PRKN: variants seen among roughly 807,000 people sequenced by gnomAD.
PRKN encodes the protein E3 ubiquitin-protein ligase parkin.
A neutral mutation model predicts 59.5 loss-of-function variants in PRKN; 56 were observed. That is an observed-to-expected ratio of 0.94 (90% CI 0.76 to 1.18). PRKN has a LOEUF of 1.18. Among genes scored for constraint, PRKN ranks in the 50% most tolerant of loss-of-function variants. The probability of loss-of-function intolerance (pLI) is 0.00; values close to 1 mark genes in which losing one functional copy is unlikely to be tolerated. For missense variants in PRKN, 657 were observed against 596.4 expected, an observed-to-expected ratio of 1.10 and a Z score of -1.06; for synonymous variants, 250 against 222.1, an observed-to-expected ratio of 1.13 and a Z score of -1.12.
At chr6:161,621,442 G>C (rs1034723615) in intron 7 of PRKN, among the ~76,000 whole-genome samples, 7 of 152,108 alleles carry the variant, frequency 4.6e-5, no homozygotes, top group African/African-American at 1.7e-4. Flanking sequence ...GGGGGTCCTG[G>C]GGTCCTGATG....
Position 161,547,710 on chromosome 6 carries a change from A to G in PRKN, c.1083+1144T>C, listed in dbSNP as rs183274630. On this transcript the variant is annotated intron_variant, in intron 9 of 11. Transcript: ENST00000366898. The surrounding 1 kb of genome is among the most constrained non-coding windows in gnomAD (Gnocchi z 4.0). ...CTGAGGCCACACACAATCATTGCAG[A>G]TAATTCAGCACATGATAATGACTAA... 6.6e-6 allele frequency among the ~76,000 whole-genome samples: 1 copy of G among 152,366 alleles called. No homozygotes were observed. The highest frequency in any genetic ancestry group is 6.5e-5 in the Admixed American group (1 of 15,314).
At chr6:161,615,457 A>G (rs145449069) in intron 7 of PRKN, among the ~76,000 whole-genome samples, 2 of 152,380 alleles carry the variant, frequency 1.3e-5, no homozygotes, top group African/African-American at 4.8e-5. Context: ...CATAAAACTC[A>G]GCTCCAAATT....
intron 4 of PRKN, among the ~76,000 whole-genome samples, chr6:162,095,338 C>T (rs1779681015): frequency 1.3e-5 from 2 of 152,150 alleles, no homozygotes; most frequent in South Asian, 2.1e-4. Context: ...GGGTTTCATT[C>T]TTATTGCCCT....
intron 5 of PRKN, among the ~76,000 whole-genome samples, chr6:162,021,152 ATATATATATATAT>A (rs1783155787): frequency 5.6e-5 from 1 of 17,906 alleles, no homozygotes; most frequent in Non-Finnish European, 1.1e-4. Flanking sequence ...ATATATATAT[ATATATATATATAT>A]AAAATATATG....
intron 6 of PRKN, among the ~76,000 whole-genome samples, chr6:161,939,686 C>A (rs1039179430): frequency 6.6e-6 from 1 of 151,456 alleles, no homozygotes; most frequent in Non-Finnish European, 1.5e-5. Context: ...GAGATGAGAT[C>A]GTGTCATTGC....
chr6:162,159,367 A>G (rs1416568470), intron 4 of PRKN, among the ~76,000 whole-genome samples: 1 of 152,216 alleles, frequency 6.6e-6, no homozygotes, highest in East Asian at 1.9e-4. Context: ...AATTTTAAAA[A>G]TAACATTTGC....
chr6:161,916,322 C>A (rs990769776), intron 6 of PRKN, among the ~76,000 whole-genome samples: 2 of 152,134 alleles, frequency 1.3e-5, no homozygotes, highest in Non-Finnish European at 2.9e-5. Flanking sequence ...CATAATTGGA[C>A]AAAGACAATA....
chr6:162,126,621 C>T (rs768486654), intron 4 of PRKN, among the ~76,000 whole-genome samples: 10 of 152,154 alleles, frequency 6.6e-5, no homozygotes, highest in African/African-American at 9.6e-5. Flanking sequence ...CTCTAGGCTC[C>T]AAACCACATT....
At position 162,583,992 on chromosome 6, in the gene PRKN, T is replaced by A. The variant is rs970079004; in HGVS notation, c.8-140519A>T. On this transcript the variant is annotated intron_variant, in intron 1 of 11. Transcript: ENST00000366898. ...ACTTTGGGAGGCTGAGGCGAGCGGA[T>A]CACAAGGTCAGGAGATCAAGACCAT... is the stretch of plus-strand genomic sequence containing the variant. Among the ~76,000 whole-genome samples the A allele has an allele frequency of 2.0e-5, 3 of 152,164 alleles. No individual in the cohort carries two copies. The East Asian group carries it at 5.8e-4, about 30-fold the overall frequency.
At chr6:162,686,823 C>T (rs79863751) in intron 1 of PRKN, among the ~76,000 whole-genome samples, 2,275 of 152,142 alleles carry the variant, frequency 0.015, 62 homozygotes, top group African/African-American at 0.052. Context: ...GCTGGCACTC[C>T]GTAGATATAT....
chr6:162,165,023 C>T (rs763586402), intron 4 of PRKN, among the ~76,000 whole-genome samples: 3 of 148,706 alleles, frequency 2.0e-5, no homozygotes, highest in Non-Finnish European at 3.0e-5. Context: ...TATATAGAAA[C>T]AGGCTTATTT....
intron 2 of PRKN, among the ~76,000 whole-genome samples, chr6:162,429,111 G>A (rs9365421): frequency 0.55 from 83,846 of 151,998 alleles, 24,049 homozygotes; most frequent in East Asian, 0.71. Context: ...TGCATGTACC[G>A]GAATACTGAC....
chr6:162,463,740 A>G (rs1472015836), intron 1 of PRKN, among the ~76,000 whole-genome samples: 1 of 152,178 alleles, frequency 6.6e-6, no homozygotes, highest in East Asian at 1.9e-4. Flanking sequence ...TGTTAATTAG[A>G]TTGGGCACCA....
At position 161,777,587 on chromosome 6, in the gene PRKN, C is replaced by T. The variant is rs181136886; in HGVS notation, c.871+8185G>A. On this transcript the variant is annotated intron_variant, in intron 7 of 11. Coordinates refer to ENST00000366898, the MANE Select transcript of PRKN (RefSeq NM_004562.3). ...TGAATATATACAGACACTGTTAAGA[C>T]GTTTGGTGCATGAGACCAGTGTAAT... is the stretch of plus-strand genomic sequence containing the variant. Among the ~76,000 whole-genome samples the T allele has an allele frequency of 4.0e-5, 6 of 149,786 alleles. 1 individual carries two copies. Among genetic ancestry groups the T allele is most frequent in the Admixed American group, 2.0e-4 (3 of 14,918 alleles).
rs769826079 is a variant in PRKN, at chr6:161,401,777, C to T, written c.1084-14900G>A. On this transcript the variant is annotated intron_variant, in intron 9 of 11. Coordinates refer to ENST00000366898, the MANE Select transcript of PRKN (RefSeq NM_004562.3). The surrounding 1 kb of genome is among the most constrained non-coding windows in gnomAD (Gnocchi z 4.4). The stretch of plus-strand genomic sequence containing the variant: ...TCTCAGACAGCTGCATTTGGATTTC[C>T]GGGGGCTGGACTGGATCTCAGATGT... Among the ~76,000 whole-genome samples the T allele has an allele frequency of 7.9e-5, 12 of 152,094 alleles. No individual in the cohort carries two copies. The highest frequency in any genetic ancestry group is 1.3e-4 in the Admixed American group (2 of 15,272).
chr6:161,436,217 G>C (rs1359644656), intron 9 of PRKN, among the ~76,000 whole-genome samples: 2 of 121,574 alleles, frequency 1.6e-5, no homozygotes, highest in African/African-American at 6.2e-5. Flanking sequence ...AGAGAGCAGA[G>C]GGTGGGATGG....
intron 4 of PRKN, among the ~76,000 whole-genome samples, chr6:162,096,549 A>G (rs1473660220): frequency 6.6e-6 from 1 of 152,134 alleles, no homozygotes; most frequent in East Asian, 1.9e-4. Flanking sequence ...ATGTTGTGGG[A>G]GGCACCTGGC....
rs71551176 is a variant in PRKN, at chr6:162,021,168, A to T, written c.618+32923T>A. Among the ~76,000 whole-genome samples the T allele has an allele frequency of 2.5e-5, 2 of 80,930 alleles. 1 individual carries two copies. The highest frequency in any genetic ancestry group is 1.4e-3 in the East Asian group (2 of 1,404). The allele number at this position is 80,930 out of a possible 152,430, so 53.1% of individuals were successfully genotyped here. ...TATATATATATATATATATATATAA[A>T]ATATATGTGTATATATATTATATAT... On this transcript the variant is annotated intron_variant, in intron 5 of 11. Transcript: ENST00000366898.
At chr6:162,404,425 A>G (rs1280185963) in intron 2 of PRKN, among the ~76,000 whole-genome samples, 1 of 152,032 alleles carries the variant, frequency 6.6e-6, no homozygotes, top group Non-Finnish European at 1.5e-5. Flanking sequence ...TTTCCTCATT[A>G]GCAAAGAGCT....
Sources: allele counts gnomAD v4.1 joint callset (sites outside exome capture counted in the v4.1 genomes callset), GRCh38; gene constraint gnomAD v4.1.1; non-coding constraint Gnocchi (gnomAD v3.1); transcripts MANE v1.5; gene names NCBI Gene and HGNC (gene_info 2026-07-23, HGNC 2026-07-21).